SDK1: variants seen among roughly 807,000 people sequenced by gnomAD.
SDK1 encodes the protein protein sidekick-1.
SDK1 carries 157 observed loss-of-function variants against 245.5 expected under a neutral mutation model. The ratio of observed to expected loss-of-function variants is 0.64; its 90% CI spans 0.56 to 0.73. The LOEUF (loss-of-function observed/expected upper bound fraction) is 0.73. Among genes scored for constraint, SDK1 ranks in the 30% least tolerant of loss-of-function variants. SDK1 has a pLI of 0.00. For missense variants in SDK1, 3,583 were observed against 3,002.3 expected (o/e 1.19, Z -4.52); for synonymous variants, 1,647 against 1,278.5 (o/e 1.29, Z -6.15).
intron 1 of SDK1, among the ~76,000 whole-genome samples, chr7:3,356,099 T>C (rs1000059807): frequency 6.6e-6 from 1 of 152,206 alleles, no homozygotes; most frequent in Non-Finnish European, 1.5e-5. Flanking sequence ...TGAATTCCCA[T>C]GTCAGCCTCA....
chr7:4,175,728 C>A, intron 33 of SDK1, 47 bp from the exon 34 acceptor site: 1 of 1,510,282 alleles, frequency 6.6e-7, no homozygotes, highest in Non-Finnish European at 9.2e-7. Flanking sequence ...CTGCGATGGC[C>A]GTGTCCCTGC....
intron 1 of SDK1, among the ~76,000 whole-genome samples, chr7:3,536,143 G>A (rs1412615360): frequency 6.6e-6 from 1 of 151,180 alleles, no homozygotes; most frequent in Non-Finnish European, 1.5e-5. Context: ...TGCAAGCTCC[G>A]CCTCCTGGGT....
intron 1 of SDK1, among the ~76,000 whole-genome samples, chr7:3,408,434 T>A (rs927483600): frequency 3.9e-5 from 6 of 152,238 alleles, no homozygotes; most frequent in African/African-American, 1.4e-4. Context: ...TGTTTAAAAT[T>A]AGAGCATTGG....
chr7:3,624,518 T>C (rs1408372065), intron 2 of SDK1, among the ~76,000 whole-genome samples: 1 of 151,990 alleles, frequency 6.6e-6, no homozygotes, highest in Admixed American at 6.6e-5. Context: ...TAATAAAAAA[T>C]GCCAATGGGA....
intron 5 of SDK1, among the ~76,000 whole-genome samples, chr7:3,949,055 G>A (rs1780690738): frequency 6.6e-6 from 1 of 152,150 alleles, no homozygotes; most frequent in Non-Finnish European, 1.5e-5. Flanking sequence ...AGTGCATCCG[G>A]ACTCTGCCAT....
chr7:4,131,687 A>T (rs1784829570), intron 27 of SDK1, among the ~76,000 whole-genome samples: 1 of 152,094 alleles, frequency 6.6e-6, no homozygotes, highest in African/African-American at 2.4e-5. Flanking sequence ...CAACCCTATT[A>T]TTCAGCAGTT....
intron 38 of SDK1, among the ~76,000 whole-genome samples, chr7:4,217,989 T>C (rs183591034): frequency 9.6e-4 from 146 of 152,320 alleles, no homozygotes; most frequent in African/African-American, 3.3e-3. Flanking sequence ...TGTGTGTTGA[T>C]GACAGTCACT....
Position 4,262,099 on chromosome 7 carries a change from G to A in SDK1, c.6382-3025G>A, listed in dbSNP as rs145067738. Among the ~76,000 whole-genome samples the A allele has an allele frequency of 5.4e-3, 693 of 127,970 alleles. 7 individuals carry two copies. Among genetic ancestry groups the A allele is most frequent in the African/African-American group, 0.019 (650 of 34,108 alleles). 84.0% of individuals were successfully genotyped at this position (127,970 alleles called of 152,430 possible). On this transcript the variant is annotated intron_variant, in intron 44 of 44. Coordinates refer to ENST00000404826, the MANE Select transcript of SDK1 (RefSeq NM_152744.4). ...GGCTGGAGTGCAGTGGCGAGATCTC[G>A]GCTCACTGCAACCTCAAGAATCCCT...
chr7:3,740,855 A>T (rs955063217), intron 4 of SDK1, among the ~76,000 whole-genome samples: 1 of 152,162 alleles, frequency 6.6e-6, no homozygotes, highest in Non-Finnish European at 1.5e-5. Flanking sequence ...TATGAAGGAG[A>T]TGATTTTCAG....
At chr7:3,408,856 ACTT>A (rs749301184) in intron 1 of SDK1, among the ~76,000 whole-genome samples, 1 of 152,214 alleles carries the variant, frequency 6.6e-6, no homozygotes, top group Non-Finnish European at 1.5e-5. Flanking sequence ...TAGCAGTGCT[ACTT>A]CTTTATCAAA....
chr7:3,924,390 A>G (rs1179221943), intron 5 of SDK1, among the ~76,000 whole-genome samples: 1 of 152,166 alleles, frequency 6.6e-6, no homozygotes, highest in Admixed American at 6.5e-5. Context: ...GAAGGATGGC[A>G]CTGGATGAGT....
chr7:3,667,655 T>C (rs576762345), intron 4 of SDK1, among the ~76,000 whole-genome samples: 1 of 152,366 alleles, frequency 6.6e-6, no homozygotes, highest in African/African-American at 2.4e-5. Context: ...TCTGTCCCTA[T>C]AGTTTTGCAT....
intron 1 of SDK1, among the ~76,000 whole-genome samples, chr7:3,376,908 T>C (rs1359369296): frequency 6.6e-6 from 1 of 152,182 alleles, no homozygotes; most frequent in African/African-American, 2.4e-5. Context: ...CCTCTTGGAC[T>C]TTCCTGGATC....
At chr7:3,842,164 C>T (rs1363242799) in intron 5 of SDK1, among the ~76,000 whole-genome samples, 1 of 152,202 alleles carries the variant, frequency 6.6e-6, no homozygotes, top group Non-Finnish European at 1.5e-5. Flanking sequence ...GCCTGAATCA[C>T]CAGGGGTAAT....
At chr7:3,758,023 A>G (rs900959236) in intron 4 of SDK1, among the ~76,000 whole-genome samples, 1 of 152,204 alleles carries the variant, frequency 6.6e-6, no homozygotes, top group Non-Finnish European at 1.5e-5. Context: ...CACAAAGACC[A>G]AACGTATCTT....
intron 1 of SDK1, among the ~76,000 whole-genome samples, chr7:3,614,819 T>C (rs1014581726): frequency 1.1e-4 from 16 of 144,174 alleles, no homozygotes; most frequent in African/African-American, 2.4e-4. Context: ...CTTCTCCTTA[T>C]AATGAATGTT....
At chr7:4,207,852 T>C (rs1584447562) in intron 36 of SDK1, among the ~76,000 whole-genome samples, 1 of 152,150 alleles carries the variant, frequency 6.6e-6, no homozygotes, top group African/African-American at 2.4e-5. Flanking sequence ...GCTCATACTC[T>C]AGGTGAGCAA....
chr7:3,754,074 A>C (rs746788070), intron 4 of SDK1, among the ~76,000 whole-genome samples: 1 of 152,210 alleles, frequency 6.6e-6, no homozygotes, highest in Non-Finnish European at 1.5e-5. Flanking sequence ...AATTGGTTGT[A>C]AAAGATGTTT....
chr7:4,088,572 C>T (rs1781574601), intron 22 of SDK1, among the ~76,000 whole-genome samples: 1 of 151,338 alleles, frequency 6.6e-6, no homozygotes, highest in Non-Finnish European at 1.5e-5. Context: ...TTTTTTAAAG[C>T]ATAAATAAAT....
Sources: gnomAD v4.1 joint callset for allele counts (sites outside exome capture counted in the v4.1 genomes callset) on GRCh38, gnomAD v4.1.1 for gene constraint, MANE v1.5 for transcripts, NCBI Gene and HGNC (gene_info 2026-07-23, HGNC 2026-07-21) for gene names.